CACNA2D1: variants seen among roughly 807,000 people sequenced by gnomAD.
The protein encoded by CACNA2D1 is voltage-dependent calcium channel subunit alpha-2/delta-1.
A neutral mutation model predicts 171.5 loss-of-function variants in CACNA2D1; 53 were observed. The ratio of observed to expected loss-of-function variants is 0.31; its 90% CI spans 0.25 to 0.39. The LOEUF (loss-of-function observed/expected upper bound fraction) is 0.39, where lower values mean the gene tolerates loss of function less well. CACNA2D1 is among the 10% of genes least tolerant of loss of function. CACNA2D1 has a pLI of 1.00. For synonymous variants in CACNA2D1, 442 were observed against 443.1 expected, an observed-to-expected ratio of 1.00 and a Z score of 0.03; for missense variants, 903 against 1,299.8, an observed-to-expected ratio of 0.69 and a Z score of 4.69.
At position 82,198,006 on chromosome 7, in the gene CACNA2D1, G is replaced by A. The variant is rs575200597; in HGVS notation, c.295-27397C>T. Among the ~76,000 whole-genome samples the A allele has an allele frequency of 1.3e-4, 20 of 152,140 alleles. No individual in the cohort carries two copies. In the East Asian group the frequency reaches 2.5e-3, roughly 19 times the overall value. ...TGTATTAAATGTCAGGATCTTTCCT[G>A]AATTCCAGGTACAGAGAGAGGAATC... On this transcript the variant is annotated intron_variant, in intron 3 of 38. Coordinates refer to ENST00000356860, the MANE Select transcript of CACNA2D1 (RefSeq NM_000722.4).
intron 3 of CACNA2D1, among the ~76,000 whole-genome samples, chr7:82,286,943 T>A (rs976542835): frequency 1.3e-5 from 2 of 152,152 alleles, no homozygotes; most frequent in Non-Finnish European, 2.9e-5. Flanking sequence ...GTCCAGGGCA[T>A]GAAAAAGGCA....
intron 23 of CACNA2D1, 48 bp from the exon 24 acceptor site, chr7:81,982,675 T>A (rs1183290002): frequency 1.8e-6 from 2 of 1,106,128 alleles, no homozygotes; most frequent in Non-Finnish European, 2.8e-6. Context: ...AGAGTATATA[T>A]CCAGAGATTC....
In CACNA2D1 at chr7:81,950,407, T is replaced by C. The variant is rs1394444150; in HGVS notation, c.3261A>G (p.Thr1087=). ...FLLLWLVSGS[T]HRLL The stretch of plus-strand genomic sequence containing the variant: ...TTTTAGAAGGTCATAACAGGCGGTG[T>C]GTGCTGCCAGATACCAGCCAAAGTA... The change falls in exon 39 of 39, where the codon ACA becomes ACG. Residue 1087 remains threonine (T), a synonymous_variant. Coordinates refer to ENST00000356860, the MANE Select transcript of CACNA2D1 (RefSeq NM_000722.4). 4.3e-6 allele frequency: 7 copies of C among 1,613,190 alleles called. No homozygotes were observed. The highest frequency in any genetic ancestry group is 1.1e-5 in the South Asian group (1 of 91,072).
At chr7:82,310,653 A>T (rs575483485) in intron 3 of CACNA2D1, among the ~76,000 whole-genome samples, 4 of 152,252 alleles carry the variant, frequency 2.6e-5, no homozygotes, top group Admixed American at 2.0e-4. Flanking sequence ...CTTCAAAAAA[A>T]GGGGAAGGGA....
intron 3 of CACNA2D1, among the ~76,000 whole-genome samples, chr7:82,308,888 T>C (rs895197379): frequency 2.6e-5 from 4 of 152,172 alleles, no homozygotes; most frequent in Non-Finnish European, 5.9e-5. Flanking sequence ...AAGTTTAAGG[T>C]TGCCTAGCTA....
chr7:82,222,281 T>C (rs17156031), intron 3 of CACNA2D1, among the ~76,000 whole-genome samples: 4,611 of 152,218 alleles, frequency 0.03, 221 homozygotes, highest in African/African-American at 0.1. Flanking sequence ...ATTTCTAGGA[T>C]AAAATGCCCA....
chr7:82,304,139 G>A (rs746082211), intron 3 of CACNA2D1, among the ~76,000 whole-genome samples: 15 of 152,084 alleles, frequency 9.9e-5, no homozygotes, highest in Non-Finnish European at 2.2e-4. Context: ...AAACCACAAT[G>A]CGTTATTATC....
rs180727344 is a variant in CACNA2D1 at position 82,018,257 on chromosome 7, A to T, written c.1144-3778T>A. ...GCTTTAAAAGTTCCAAGATTATACA[A>T]TTTAGCTTCTATTGTAGTGTCTTAC... is the stretch of plus-strand genomic sequence containing the variant. On this transcript the variant is annotated intron_variant, in intron 12 of 38. Coordinates refer to ENST00000356860, the MANE Select transcript of CACNA2D1 (RefSeq NM_000722.4). Among the ~76,000 whole-genome samples the T allele has an allele frequency of 5.3e-5, 8 of 152,326 alleles. No individual in the cohort carries two copies. In the East Asian group the frequency reaches 1.4e-3, roughly 26 times the overall value.
chr7:82,116,337 T>C lies in CACNA2D1; in HGVS notation c.526+707A>G, dbSNP rs548088368. ...AATTCTCAGGCTCTGCTCTGATTAA[T>C]GCAAAGCGTGTCTCTAAAAAACAAC... On this transcript the variant is annotated intron_variant, in intron 6 of 38. Coordinates refer to ENST00000356860, the MANE Select transcript of CACNA2D1 (RefSeq NM_000722.4). Among the ~76,000 whole-genome samples, 3 of 152,342 alleles carry C rather than the reference T, an allele frequency of 2.0e-5. No individual in the cohort carries two copies. The East Asian group carries it at 5.8e-4, about 29-fold the overall frequency.
intron 3 of CACNA2D1, among the ~76,000 whole-genome samples, chr7:82,221,954 G>GA (rs535350994): frequency 5.9e-4 from 82 of 139,330 alleles, no homozygotes; most frequent in African/African-American, 8.9e-4. Flanking sequence ...AAATAAAAAT[G>GA]AAAAAAAAAA....
At chr7:82,054,945 T>G (rs780813730) in intron 10 of CACNA2D1, among the ~76,000 whole-genome samples, 1 of 152,174 alleles carries the variant, frequency 6.6e-6, no homozygotes, top group African/African-American at 2.4e-5. Context: ...AAGAAAATGA[T>G]AGCCTTATGT....
chr7:81,959,143 A>G, intron 38 of CACNA2D1, 132 bp downstream of exon 38: 1 of 702,272 alleles, frequency 1.4e-6, no homozygotes, highest in Non-Finnish European at 2.6e-6. Flanking sequence ...ACCAGCAAGT[A>G]TGTCATGTTA....
intron 3 of CACNA2D1, among the ~76,000 whole-genome samples, chr7:82,179,613 C>T (rs1796909462): frequency 1.3e-5 from 2 of 152,092 alleles, no homozygotes. Context: ...TGTGACCGCT[C>T]CTTTACATAT....
At chr7:82,010,189 G>A (rs759227540) in intron 15 of CACNA2D1, among the ~76,000 whole-genome samples, 5 of 151,540 alleles carry the variant, frequency 3.3e-5, no homozygotes, top group East Asian at 3.9e-4. Context: ...ATTATATTTC[G>A]TTTTGAAATA....
intron 12 of CACNA2D1, among the ~76,000 whole-genome samples, chr7:82,027,210 A>G (rs978915504): frequency 4.6e-5 from 7 of 151,694 alleles, no homozygotes; most frequent in African/African-American, 1.7e-4. Flanking sequence ...GTTCTTTGTA[A>G]TGCAAAGGAT....
intron 3 of CACNA2D1, 43 bp downstream of exon 3, chr7:82,335,092 A>G: frequency 8.2e-7 from 1 of 1,215,846 alleles, no homozygotes. Context: ...ATAATAGATA[A>G]GTAAGGAAAA....
At chr7:82,034,050 A>C in intron 11 of CACNA2D1, among the ~76,000 whole-genome samples, 1 of 152,088 alleles carries the variant, frequency 6.6e-6, no homozygotes, top group Non-Finnish European at 1.5e-5. Context: ...TCTTTAACCC[A>C]GTCATCCAAA....
intron 24 of CACNA2D1, 38 bp from the exon 25 acceptor site, chr7:81,974,590 T>C: frequency 9.0e-7 from 1 of 1,112,202 alleles, no homozygotes; most frequent in Non-Finnish European, 1.3e-6. Flanking sequence ...GATATTAAAA[T>C]CAAAACTTTA....
intron 1 of CACNA2D1, among the ~76,000 whole-genome samples, chr7:82,401,045 G>A (rs2129451775): frequency 6.6e-6 from 1 of 152,240 alleles, no homozygotes; most frequent in African/African-American, 2.4e-5. Flanking sequence ...TCGTTAAAAA[G>A]TCAGGAAACA....
Sources: gnomAD v4.1 joint callset for allele counts (sites outside exome capture counted in the v4.1 genomes callset) on GRCh38, gnomAD v4.1.1 for gene constraint, MANE v1.5 for transcripts, NCBI Gene and HGNC (gene_info 2026-07-23, HGNC 2026-07-21) for gene names.